The following TBX4 variants were observed in gnomAD, a reference collection of about 807,000 sequenced individuals.
TBX4 encodes the protein T-box transcription factor TBX4.
TBX4 carries 13 observed loss-of-function variants against 54.6 expected under a neutral mutation model. The observed-to-expected ratio is 0.24, with a 90% confidence interval of 0.15 to 0.38. TBX4 has a LOEUF of 0.38. Among genes scored for constraint, TBX4 ranks in the 10% least tolerant of loss-of-function variants. The pLI, the probability that TBX4 is intolerant of heterozygous loss-of-function variation, is 1.00. For missense variants in TBX4, 631 were observed against 728.5 expected, an observed-to-expected ratio of 0.87 and a Z score of 1.54; for synonymous variants, 314 against 306.7, an observed-to-expected ratio of 1.02 and a Z score of -0.25.
In TBX4 at chr17:61,475,235, G is replaced by A. The variant is rs1309141139; in HGVS notation, c.550-3392G>A. ...CTAGTCATCAGGGACTTTGTCTGAC[G>A]GGCTAAGGAGTTTGGCCTTTATTCC... On this transcript the variant is annotated intron_variant, in intron 5 of 8. Transcript: ENST00000644296. This position sits in a 1 kb window ranked among gnomAD's most constrained non-coding sequence, Gnocchi z 5.0. 1.3e-5 allele frequency among the ~76,000 whole-genome samples: 2 copies of A among 152,172 alleles called. No individual in the cohort carries two copies. The highest frequency in any genetic ancestry group is 2.9e-5 in the Non-Finnish European group (2 of 68,040).
At chr17:61,463,945 T>C (rs1010619872) in intron 3 of TBX4, among the ~76,000 whole-genome samples, 1 of 151,780 alleles carries the variant, frequency 6.6e-6, no homozygotes, top group African/African-American at 2.4e-5. Context: ...CGGGAAAGGG[T>C]GGTGCAAGAT....
Position 61,483,562 on chromosome 17 carries a change from T to C in TBX4, c.*46T>C, listed in dbSNP as rs775955071. ...CCCCGGGACCGTGTTGCTCCAGTATTAACCTCTGTGGGTGGCCTGCACTCT... is the reference window on the plus strand; with the variant it reads ...CCCCGGGACCGTGTTGCTCCAGTATCAACCTCTGTGGGTGGCCTGCACTCT... On this transcript the variant is annotated 3_prime_UTR_variant, in exon 9 of 9. Coordinates refer to ENST00000644296, the MANE Select transcript of TBX4 (RefSeq NM_001321120.2). This position sits in a 1 kb window ranked among gnomAD's most constrained non-coding sequence, Gnocchi z 6.6. The C allele has an allele frequency of 1.7e-5, 28 of 1,611,356 alleles. No homozygotes were observed. The African/African-American group carries it at 3.5e-4, about 20-fold the overall frequency.
Position 61,456,554 on chromosome 17 carries a change from G to C in TBX4, c.64G>C (p.Gly22Arg), listed in dbSNP as rs747369610. The C allele has an allele frequency of 1.0e-5, 16 of 1,551,246 alleles. 1 individual carries two copies. The highest frequency in any genetic ancestry group is 7.1e-5 in the South Asian group (6 of 84,160). ...EAFRAPGPAL[G>R]EASAANAPEP... is the part of the protein sequence containing the mutation. Reference sequence around the variant, plus strand: ...CTTCCGGGCCCCGGGCCCAGCGCTCGGAGAGGCCAGCGCAGCCAACGCCCC... The same window carrying C: ...CTTCCGGGCCCCGGGCCCAGCGCTCCGAGAGGCCAGCGCAGCCAACGCCCC... The change falls in exon 2 of 9, where the codon GGA becomes CGA. Residue 22 changes from glycine to arginine, a missense_variant. Transcript: ENST00000644296.
At chr17:61,469,687 A>G (rs762578570) in intron 5 of TBX4, among the ~76,000 whole-genome samples, 3 of 152,190 alleles carry the variant, frequency 2.0e-5, no homozygotes, top group East Asian at 1.9e-4. Flanking sequence ...ATCTTCACCT[A>G]TTTAGAGAAC....
rs116604358 is a variant in TBX4, at chr17:61,482,586, G to A, written c.1022-311G>A. ...AGCCTGAGAATGCCACTGCACATCA[G>A]GGCCTCTCACTCTGCAAGAGTCAGG... On this transcript the variant is annotated intron_variant, in intron 8 of 8. Transcript: ENST00000644296. Among the ~76,000 whole-genome samples, 1,266 of 152,298 alleles carry A rather than the reference G, an allele frequency of 8.3e-3. 9 individuals are homozygous for A. The highest frequency in any genetic ancestry group is 0.029 in the African/African-American group (1,194 of 41,564).
At position 61,483,642 on chromosome 17, in the gene TBX4, GTGTGTGTGTGTA is replaced by G. The variant is rs1189427574; in HGVS notation, c.*128_*139del. On this transcript the variant is annotated 3_prime_UTR_variant, in exon 9 of 9. Coordinates refer to ENST00000644296, the MANE Select transcript of TBX4 (RefSeq NM_001321120.2). The surrounding 1 kb of genome is among the most constrained non-coding windows in gnomAD (Gnocchi z 6.6). Reference sequence around the variant, plus strand: ...TGTGTGTGTGTGTGTGTGTGTGTGTGTGTGTGTGTGTATACACGAGCATGTATGTATTTGGAG... The same window carrying G: ...TGTGTGTGTGTGTGTGTGTGTGTGTGTACACGAGCATGTATGTATTTGGAG... 126 of 1,163,496 alleles carry G rather than the reference GTGTGTGTGTGTA, an allele frequency of 1.1e-4. No individual in the cohort carries two copies. The highest frequency in any genetic ancestry group is 5.6e-4 in the Middle Eastern group (2 of 3,588). The allele number at this position is 1,163,496 out of a possible 1,614,324, so 72.1% of individuals were successfully genotyped here. A position where few individuals can be genotyped will look rare whatever the true frequency, so the allele number is the denominator to read the frequency against.
chr17:61,455,707 G>A (rs1310383643), intron 1 of TBX4, among the ~76,000 whole-genome samples: 1 of 152,246 alleles, frequency 6.6e-6, no homozygotes, highest in African/African-American at 2.4e-5. Context: ...GTGCCTGAGT[G>A]AGCCTGTAGG....
intron 4 of TBX4, among the ~76,000 whole-genome samples, chr17:61,466,191 C>G (rs568004659): frequency 6.6e-6 from 1 of 152,150 alleles, no homozygotes; most frequent in African/African-American, 2.4e-5. Flanking sequence ...TCGCAAGGGT[C>G]TGTACTCTCC....
intron 1 of TBX4, among the ~76,000 whole-genome samples, chr17:61,455,604 G>A (rs944962053): frequency 2.0e-5 from 3 of 152,260 alleles, no homozygotes; most frequent in Non-Finnish European, 2.9e-5. Flanking sequence ...GGGCTAAGCG[G>A]TTCCTGTGAA....
In TBX4 at chr17:61,461,786, C is replaced by G. The variant is rs1293648539; in HGVS notation, c.282-4033C>G. Among the ~76,000 whole-genome samples the G allele has an allele frequency of 6.6e-6, 1 of 152,140 alleles. No homozygotes were observed. Among genetic ancestry groups the G allele is most frequent in the Non-Finnish European group, 1.5e-5 (1 of 68,018 alleles). The stretch of plus-strand genomic sequence containing the variant: ...CCATCCCCACCTTTGAAACCGCTCT[C>G]TAGACTTCTGACCCCTTCTGGCTGG... On this transcript the variant is annotated intron_variant, in intron 3 of 8. Transcript: ENST00000644296. This position sits in a 1 kb window ranked among gnomAD's most constrained non-coding sequence, Gnocchi z 5.1.
At chr17:61,456,353 G>A in intron 1 of TBX4, 135 bp from the exon 2 acceptor site, 2 of 1,222,698 alleles carry the variant, frequency 1.6e-6, no homozygotes, top group East Asian at 2.7e-5. Context: ...CTCCAGCTCA[G>A]GAGGGGGCGG....
Position 61,482,952 on chromosome 17 carries a change from C to T in TBX4, c.1077C>T (p.Pro359=). The T allele has an allele frequency of 3.1e-6, 5 of 1,614,028 alleles. No homozygotes were observed. Among genetic ancestry groups the T allele is most frequent in the Non-Finnish European group, 4.2e-6 (5 of 1,179,984 alleles). ...LPCKRSYLEA[P]SSVGEDHYFR... is the part of the protein sequence containing the mutation. ...GCAAGCGATCCTATCTGGAAGCCCC[C>T]TCTTCGGTGGGGGAGGATCACTATT... Residue 359 remains proline, a synonymous_variant, in exon 9 of 9, where the codon CCC becomes CCT. Coordinates refer to ENST00000644296, the MANE Select transcript of TBX4 (RefSeq NM_001321120.2).
chr17:61,465,680 T>G lies in TBX4; in HGVS notation c.282-139T>G. ...CAGAGGGGGAAGTGAGTTGTGCAGG[T>G]CACACAGCTGTGACCAATGCCAGGA... On this transcript the variant is annotated intron_variant, in intron 3 of 8. Coordinates refer to ENST00000644296, the MANE Select transcript of TBX4 (RefSeq NM_001321120.2). The surrounding 1 kb of genome is among the most constrained non-coding windows in gnomAD (Gnocchi z 4.9). 2 of 1,140,630 alleles carry G rather than the reference T, an allele frequency of 1.8e-6. No individual in the cohort carries two copies. The highest frequency in any genetic ancestry group is 2.6e-6 in the Non-Finnish European group (2 of 771,282). The allele number at this position is 1,140,630 out of a possible 1,614,324, so 70.7% of individuals were successfully genotyped here. A position where few individuals can be genotyped will look rare whatever the true frequency, so the allele number is the denominator to read the frequency against.
chr17:61,483,920 G>A lies in TBX4; in HGVS notation c.*404G>A, dbSNP rs2060685957. Reference sequence around the variant, plus strand: ...CATGGGGAAAGATTCTCACTGCTGGGGTGGGAAGATTCTCGCTGCTGGGGT... The same window carrying A: ...CATGGGGAAAGATTCTCACTGCTGGAGTGGGAAGATTCTCGCTGCTGGGGT... On this transcript the variant is annotated 3_prime_UTR_variant, in exon 9 of 9. Transcript: ENST00000644296. This position sits in a 1 kb window ranked among gnomAD's most constrained non-coding sequence, Gnocchi z 6.6. 1 of 261,976 alleles carries A rather than the reference G, an allele frequency of 3.8e-6. No homozygotes were observed. Among genetic ancestry groups the A allele is most frequent in the Non-Finnish European group, 7.5e-6 (1 of 132,884 alleles). The allele number at this position is 261,976 out of a possible 1,614,324, so 16.2% of individuals were successfully genotyped here.
intron 3 of TBX4, among the ~76,000 whole-genome samples, chr17:61,458,813 T>C (rs2060473315): frequency 6.6e-6 from 1 of 152,212 alleles, no homozygotes; most frequent in Non-Finnish European, 1.5e-5. Context: ...CCACTCAGTA[T>C]TTTCTTCTAC....
At position 61,460,595 on chromosome 17, in the gene TBX4, G is replaced by A. The variant is rs567932770; in HGVS notation, c.281+2964G>A. Among the ~76,000 whole-genome samples the A allele has an allele frequency of 9.5e-4, 145 of 152,270 alleles. 1 individual carries two copies. Among genetic ancestry groups the A allele is most frequent in the African/African-American group, 3.4e-3 (143 of 41,550 alleles). Reference sequence around the variant, plus strand: ...CCTCCGCAGCCCGTCTCAGTCTCTTGGGTCTCTGTGTCCAGAGGGTTCGTG... The same window carrying A: ...CCTCCGCAGCCCGTCTCAGTCTCTTAGGTCTCTGTGTCCAGAGGGTTCGTG... On this transcript the variant is annotated intron_variant, in intron 3 of 8. Coordinates refer to ENST00000644296, the MANE Select transcript of TBX4 (RefSeq NM_001321120.2). The surrounding 1 kb of genome is among the most constrained non-coding windows in gnomAD (Gnocchi z 4.4).
At chr17:61,477,360 CG>C (rs1197329776) in intron 5 of TBX4, among the ~76,000 whole-genome samples, 2 of 152,208 alleles carry the variant, frequency 1.3e-5, no homozygotes, top group Non-Finnish European at 2.9e-5. Flanking sequence ...CTACTGTGAG[CG>C]GCCCCCGGGG....
At position 61,476,005 on chromosome 17, in the gene TBX4, G is replaced by C. The variant is rs1337792485; in HGVS notation, c.550-2622G>C. ...ACCAGAGAGGAGGGGACTTGCCCAC[G>C]TTCCCACGGAGGGTTTGTGGTCGTG... On this transcript the variant is annotated intron_variant, in intron 5 of 8. Transcript: ENST00000644296. This position sits in a 1 kb window ranked among gnomAD's most constrained non-coding sequence, Gnocchi z 6.5. Among the ~76,000 whole-genome samples the C allele has an allele frequency of 1.3e-5, 2 of 152,146 alleles. No individual in the cohort carries two copies. Among genetic ancestry groups the C allele is most frequent in the Non-Finnish European group, 2.9e-5 (2 of 68,030 alleles).
chr17:61,479,142 G>T lies in TBX4; in HGVS notation c.702+363G>T, dbSNP rs2060644185. ...CATCTCCTGGTGCCTTCAGAGACAGGGGTAGGGAATGGGGATAGGAGCCCT... is the reference window on the plus strand; with the variant it reads ...CATCTCCTGGTGCCTTCAGAGACAGTGGTAGGGAATGGGGATAGGAGCCCT... On this transcript the variant is annotated intron_variant, in intron 6 of 8. Transcript: ENST00000644296. The surrounding 1 kb of genome is among the most constrained non-coding windows in gnomAD (Gnocchi z 6.1). 6.6e-6 allele frequency among the ~76,000 whole-genome samples: 1 copy of T among 152,140 alleles called. No homozygotes were observed.
Sources: gnomAD v4.1 joint callset for allele counts (sites outside exome capture counted in the v4.1 genomes callset) on GRCh38, gnomAD v4.1.1 for gene constraint, Gnocchi (gnomAD v3.1) non-coding constraint, MANE v1.5 for transcripts, NCBI Gene and HGNC (gene_info 2026-07-23, HGNC 2026-07-21) for gene names.